SH2D3C: variants seen among roughly 807,000 people sequenced by gnomAD.
SH2D3C encodes the protein SH2 domain-containing protein 3C.
In SH2D3C, 25 loss-of-function variants were observed where a neutral mutation model predicts 75.2. The ratio of observed to expected loss-of-function variants is 0.33; its 90% confidence interval spans 0.24 to 0.46. The LOEUF (loss-of-function observed/expected upper bound fraction) is 0.46, where lower values mean the gene tolerates loss of function less well. SH2D3C is among the 20% of genes least tolerant of loss of function. The pLI, the probability that SH2D3C is intolerant of heterozygous loss-of-function variation, is 1.00. For synonymous variants in SH2D3C, 450 were observed against 473.7 expected (o/e 0.95, Z 0.65); for missense variants, 933 against 1,165.3 (o/e 0.80, Z 2.90).
At chr9:127,757,984 G>A (rs1210262117) in intron 3 of SH2D3C, among the ~76,000 whole-genome samples, 1 of 151,782 alleles carries the variant, frequency 6.6e-6, no homozygotes, top group Non-Finnish European at 1.5e-5. Context: ...TTTAATAGAG[G>A]GTTTTCACTA....
intron 3 of SH2D3C, among the ~76,000 whole-genome samples, chr9:127,759,417 T>C (rs980721110): frequency 1.3e-5 from 2 of 152,156 alleles, no homozygotes; most frequent in African/African-American, 4.8e-5. Flanking sequence ...GATTTCGCCA[T>C]GTTGGCCAGG....
In SH2D3C at chr9:127,754,994, C is replaced by G; in HGVS notation, c.556-3694G>C. 1.6e-6 allele frequency: 1 copy of G among 643,612 alleles called. No homozygotes were observed. Among genetic ancestry groups the G allele is most frequent in the South Asian group, 3.4e-5 (1 of 29,178 alleles). 39.9% of individuals were successfully genotyped at this position (643,612 alleles called of 1,614,324 possible). ...CCTGCCGGGCGCCGCTGAGCTGCAG[C>G]TCCCCGGCTGGCTCTAGGGCCCCGG... On this transcript the variant is annotated intron_variant, in intron 3 of 11. Transcript: ENST00000314830. The surrounding 1 kb of genome is among the most constrained non-coding windows in gnomAD (Gnocchi z 4.4).
chr9:127,744,462 G>T, intron 7 of SH2D3C, 102 bp downstream of exon 7: 1 of 1,411,908 alleles, frequency 7.1e-7, no homozygotes, highest in Non-Finnish European at 9.6e-7. Flanking sequence ...CTAGAATCCA[G>T]GCCCACCTGC....
In SH2D3C at chr9:127,744,925, G is replaced by A. The variant is rs559861860; in HGVS notation, c.1439C>T (p.Pro480Leu). The A allele has an allele frequency of 8.8e-6, 14 of 1,598,694 alleles. No homozygotes were observed. Among genetic ancestry groups the A allele is most frequent in the South Asian group, 6.7e-5 (6 of 89,180 alleles). ...SPSHTLGKAS[P>L]SPSLSSYSDP... ...ACTGTAGCTGCTGAGTGATGGTGAC[G>A]GGGAGGCCTTGCCAAGGGTGTGGGA... The change falls in exon 7 of 12, where the codon CCG becomes CTG. Residue 480 changes from proline to leucine, a missense_variant. Coordinates refer to ENST00000314830, the MANE Select transcript of SH2D3C (RefSeq NM_170600.3).
In SH2D3C at chr9:127,738,528, G is replaced by A; in HGVS notation, c.*218C>T. The A allele has an allele frequency of 7.3e-6, 3 of 408,932 alleles. No individual in the cohort carries two copies. Among genetic ancestry groups the A allele is most frequent in the South Asian group, 5.6e-5 (1 of 17,992 alleles). The allele number at this position is 408,932 out of a possible 1,614,324, so 25.3% of individuals were successfully genotyped here. ...GCAGCAAAAGCTGGTGGGGGAACCG[G>A]CGTTCCTGTTCTTCCTCAATGGAGA... On this transcript the variant is annotated 3_prime_UTR_variant, in exon 12 of 12. Transcript: ENST00000314830. This position sits in a 1 kb window ranked among gnomAD's most constrained non-coding sequence, Gnocchi z 5.0.
intron 1 of SH2D3C, 150 bp downstream of exon 1, chr9:127,778,441 G>A: frequency 1.4e-6 from 1 of 692,466 alleles, no homozygotes; most frequent in Non-Finnish European, 2.6e-6. Context: ...GGGTGACAGA[G>A]ACGCTGGTGT....
chr9:127,771,410 C>T (rs905311855), intron 2 of SH2D3C: 29 of 1,302,104 alleles, frequency 2.2e-5, no homozygotes, highest in Non-Finnish European at 2.6e-5. Flanking sequence ...CCGCCTACTC[C>T]ACCGGCAGGG....
chr9:127,738,903 TCCGG>T lies in SH2D3C; in HGVS notation c.2422_2425del (p.Pro808SerfsTer120). On this transcript the variant is annotated frameshift_variant, in exon 12 of 12. Coordinates refer to ENST00000314830, the MANE Select transcript of SH2D3C (RefSeq NM_170600.3). LOFTEE classifies it high-confidence loss of function. The surrounding 1 kb of genome is among the most constrained non-coding windows in gnomAD (Gnocchi z 5.0). The stretch of plus-strand genomic sequence containing the variant: ...CTCCGTGCTGAACACCTCCAGGAGC[TCCGG>T]CCGGGCCTGGAACCCTGCAGTGTTG... 6.3e-7 allele frequency: 1 copy of T among 1,586,846 alleles called. No homozygotes were observed. Among genetic ancestry groups the T allele is most frequent in the Non-Finnish European group, 8.6e-7 (1 of 1,166,188 alleles).
At chr9:127,768,058 G>A (rs921045005) in intron 2 of SH2D3C, among the ~76,000 whole-genome samples, 1 of 152,180 alleles carries the variant, frequency 6.6e-6, no homozygotes, top group African/African-American at 2.4e-5. Context: ...CTCAAGGACT[G>A]TGAGAAAGTC....
At chr9:127,761,297 GGA>G (rs946167650) in intron 3 of SH2D3C, among the ~76,000 whole-genome samples, 1 of 152,198 alleles carries the variant, frequency 6.6e-6, no homozygotes, top group African/African-American at 2.4e-5. Flanking sequence ...GGGTGGGATT[GGA>G]AAGCTGCATC....
At chr9:127,768,019 G>A (rs746513560) in intron 2 of SH2D3C, among the ~76,000 whole-genome samples, 5 of 152,178 alleles carry the variant, frequency 3.3e-5, no homozygotes, top group Non-Finnish European at 5.9e-5. Context: ...AAGCCAGCCC[G>A]GTTCCCACAG....
intron 2 of SH2D3C, chr9:127,762,026 G>C: frequency 3.3e-6 from 1 of 303,102 alleles, no homozygotes; most frequent in Non-Finnish European, 5.8e-6. Flanking sequence ...TTCTTCTTCT[G>C]TCTGCCTTCC....
intron 3 of SH2D3C, among the ~76,000 whole-genome samples, chr9:127,758,575 T>G (rs747568920): frequency 4.8e-4 from 73 of 152,120 alleles, no homozygotes; most frequent in Non-Finnish European, 8.5e-4. Context: ...GCATAAGGGT[T>G]CTGGAATTTC....
intron 8 of SH2D3C, 68 bp downstream of exon 8, chr9:127,742,780 GC>G: frequency 8.0e-7 from 1 of 1,253,250 alleles, no homozygotes; most frequent in Non-Finnish European, 1.1e-6. Context: ...TGGCCAACCC[GC>G]CCCGTCCAGC....
chr9:127,750,953 A>AC (rs941629803), intron 4 of SH2D3C, among the ~76,000 whole-genome samples: 1 of 152,150 alleles, frequency 6.6e-6, no homozygotes, highest in Non-Finnish European at 1.5e-5. Context: ...TTTTCACAAC[A>AC]CCCCTTTGCA....
intron 3 of SH2D3C, among the ~76,000 whole-genome samples, chr9:127,759,666 C>T (rs1283272666): frequency 6.6e-6 from 1 of 150,926 alleles, no homozygotes; most frequent in East Asian, 2.0e-4. Context: ...CTGGGCAACA[C>T]AGTGAGACCC....
Position 127,754,032 on chromosome 9 carries a change from C to G in SH2D3C, c.556-2732G>C, listed in dbSNP as rs1845279738. ...GTTTGGGGGGACCAACTTGGTCCTC[C>G]CACACACCTGAGGGTGAGGAATCCT... is the stretch of plus-strand genomic sequence containing the variant. On this transcript the variant is annotated intron_variant, in intron 3 of 11. Coordinates refer to ENST00000314830, the MANE Select transcript of SH2D3C (RefSeq NM_170600.3). This position sits in a 1 kb window ranked among gnomAD's most constrained non-coding sequence, Gnocchi z 4.4. 6.6e-6 allele frequency among the ~76,000 whole-genome samples: 1 copy of G among 152,142 alleles called. No homozygotes were observed. The highest frequency in any genetic ancestry group is 2.4e-5 in the African/African-American group (1 of 41,436).
intron 8 of SH2D3C, 31 bp downstream of exon 8, chr9:127,742,818 C>G (rs1386098956): frequency 6.4e-7 from 1 of 1,555,192 alleles, no homozygotes; most frequent in Non-Finnish European, 8.8e-7. Context: ...GGGGGTTCCC[C>G]GCGAGTCCCC....
rs1845145537 is a variant in SH2D3C at position 127,749,817 on chromosome 9, G to A, written c.685-152C>T. ...ATGAACAGAGACATCTGACATCTGA[G>A]AGCGGGGATGCAATGACCCAGGTTC... is the stretch of plus-strand genomic sequence containing the variant. On this transcript the variant is annotated intron_variant, in intron 4 of 11. Coordinates refer to ENST00000314830, the MANE Select transcript of SH2D3C (RefSeq NM_170600.3). The surrounding 1 kb of genome is among the most constrained non-coding windows in gnomAD (Gnocchi z 5.9). The A allele has an allele frequency of 1.6e-6, 1 of 627,938 alleles. No individual in the cohort carries two copies. Among genetic ancestry groups the A allele is most frequent in the Non-Finnish European group, 2.8e-6 (1 of 351,962 alleles). The allele number at this position is 627,938 out of a possible 1,614,324, so 38.9% of individuals were successfully genotyped here.
Sources: gnomAD v4.1 joint callset for allele counts (sites outside exome capture counted in the v4.1 genomes callset) on GRCh38, gnomAD v4.1.1 for gene constraint, Gnocchi (gnomAD v3.1) non-coding constraint, MANE v1.5 for transcripts, NCBI Gene and HGNC (gene_info 2026-07-23, HGNC 2026-07-21) for gene names.